The following RGS7 variants were observed in gnomAD, a reference collection of about 807,000 sequenced individuals.
RGS7 encodes the protein regulator of G protein signaling 7, also known as regulator of G-protein signaling 7.
Under a neutral mutation model 81.1 loss-of-function variants are expected in RGS7, and 27 were observed. That is an observed-to-expected ratio of 0.33 (90% CI 0.25 to 0.46). RGS7 has a LOEUF of 0.46. RGS7 is among the 20% of genes least tolerant of loss of function. The pLI is 1.00. For synonymous variants in RGS7, 208 were observed against 207.7 expected (o/e 1.00, Z -0.01); for missense variants, 396 against 607.4 (o/e 0.65, Z 3.66).
At chr1:240,976,725 CTCTATCTATCTATCTA>C (rs3044718) in intron 4 of RGS7, among the ~76,000 whole-genome samples, 16 of 148,162 alleles carry the variant, frequency 1.1e-4, no homozygotes, top group South Asian at 8.8e-4. Context: ...TCCTCAAAAT[CTCTATCTATCTATCTA>C]TCTATCTATC....
At chr1:240,900,548 CTGGA>C (rs1669826244) in intron 6 of RGS7, among the ~76,000 whole-genome samples, 1 of 152,170 alleles carries the variant, frequency 6.6e-6, no homozygotes. Flanking sequence ...TTGGAGTTTG[CTGGA>C]GGTCCACTCC....
chr1:240,877,824 C>T (rs1314539610), intron 6 of RGS7, among the ~76,000 whole-genome samples: 1 of 152,172 alleles, frequency 6.6e-6, no homozygotes, highest in Non-Finnish European at 1.5e-5. Context: ...CCTTTCAAGA[C>T]CTGTGATCTT....
rs182125811 is a variant in RGS7 at position 240,903,030 on chromosome 1, A to T, written c.385+27687T>A. Among the ~76,000 whole-genome samples the T allele has an allele frequency of 5.3e-5, 8 of 152,370 alleles. No homozygotes were observed. In the East Asian group the frequency reaches 1.3e-3, roughly 26 times the overall value. On this transcript the variant is annotated intron_variant, in intron 6 of 18. Coordinates refer to ENST00000440928, the MANE Select transcript of RGS7 (RefSeq NM_001364886.1). ...AGGGAATAAAAATTACTTTTATAAT[A>T]AAAATCCAAGAAAAACATATTGGTG...
intron 18 of RGS7, among the ~76,000 whole-genome samples, chr1:240,787,910 G>A (rs1685337960): frequency 6.6e-6 from 1 of 152,124 alleles, no homozygotes; most frequent in South Asian, 2.1e-4. Context: ...TCTGGTTGGG[G>A]GAAGTTGATG....
At chr1:241,162,835 G>A (rs2103208695) in intron 2 of RGS7, among the ~76,000 whole-genome samples, 1 of 152,264 alleles carries the variant, frequency 6.6e-6, no homozygotes, top group African/African-American at 2.4e-5. Flanking sequence ...AGTTCACACA[G>A]CTAATAAATA....
intron 4 of RGS7, among the ~76,000 whole-genome samples, chr1:240,953,184 A>G (rs1571962207): frequency 1.3e-5 from 2 of 152,058 alleles, no homozygotes; most frequent in East Asian, 3.9e-4. Flanking sequence ...AAAATCAAGC[A>G]GTCAGAATAT....
At chr1:240,794,634 G>A (rs1324431513) in intron 18 of RGS7, among the ~76,000 whole-genome samples, 5 of 152,124 alleles carry the variant, frequency 3.3e-5, no homozygotes, top group African/African-American at 7.2e-5. Flanking sequence ...ACTCAATCCC[G>A]AACAGAACCA....
At chr1:240,914,566 A>T (rs1290512785) in intron 6 of RGS7, among the ~76,000 whole-genome samples, 1 of 152,216 alleles carries the variant, frequency 6.6e-6, no homozygotes, top group African/African-American at 2.4e-5. Flanking sequence ...AGGTTGACTC[A>T]GAGCCTATTC....
intron 3 of RGS7, among the ~76,000 whole-genome samples, chr1:241,011,322 A>C (rs977359350): frequency 1.3e-5 from 2 of 152,112 alleles, no homozygotes; most frequent in African/African-American, 4.8e-5. Flanking sequence ...GCAGCAGGGG[A>C]GGAAACGGCC....
chr1:240,916,088 C>A (rs1420825501), intron 6 of RGS7, among the ~76,000 whole-genome samples: 2 of 147,644 alleles, frequency 1.4e-5, no homozygotes, highest in Non-Finnish European at 3.0e-5. Context: ...CATGGTGAAA[C>A]CCTGTGTCTA....
intron 2 of RGS7, among the ~76,000 whole-genome samples, chr1:241,213,541 G>A (rs1227506041): frequency 1.3e-5 from 2 of 152,002 alleles, no homozygotes; most frequent in Non-Finnish European, 2.9e-5. Context: ...TCTTTTAGTC[G>A]TTACCCTAGT....
chr1:240,977,495 C>T (rs1462650606), intron 4 of RGS7, among the ~76,000 whole-genome samples: 1 of 152,082 alleles, frequency 6.6e-6, no homozygotes, highest in Non-Finnish European at 1.5e-5. Flanking sequence ...AAAATATAAA[C>T]TTTTGACATG....
At chr1:240,801,370 G>T in intron 17 of RGS7, 85 bp downstream of exon 17, 2 of 824,102 alleles carry the variant, frequency 2.4e-6, no homozygotes, top group South Asian at 2.9e-5. Context: ...AAGAATGCAA[G>T]GTGGGTAACA....
At chr1:241,292,556 C>T (rs1408691984) in intron 2 of RGS7, among the ~76,000 whole-genome samples, 2 of 152,096 alleles carry the variant, frequency 1.3e-5, no homozygotes, top group Non-Finnish European at 2.9e-5. Flanking sequence ...ACCAGAGAGA[C>T]AAATAGTTGG....
At chr1:240,796,795 A>G (rs921497032) in intron 18 of RGS7, among the ~76,000 whole-genome samples, 2 of 152,218 alleles carry the variant, frequency 1.3e-5, no homozygotes, top group East Asian at 3.8e-4. Context: ...ACTTCTGGTC[A>G]TTCCTTGCAG....
chr1:240,890,797 T>C (rs931032835), intron 6 of RGS7, among the ~76,000 whole-genome samples: 2 of 152,124 alleles, frequency 1.3e-5, no homozygotes, highest in East Asian at 1.9e-4. Flanking sequence ...AATGGCTGCA[T>C]TGGAATTTGA....
At chr1:241,004,545 A>C (rs1481857195) in intron 3 of RGS7, among the ~76,000 whole-genome samples, 1 of 152,182 alleles carries the variant, frequency 6.6e-6, no homozygotes, top group East Asian at 1.9e-4. Flanking sequence ...AAAGCACACG[A>C]ACTTAATGTG....
intron 2 of RGS7, among the ~76,000 whole-genome samples, chr1:241,228,924 T>C (rs1315284015): frequency 6.6e-6 from 1 of 152,090 alleles, no homozygotes; most frequent in East Asian, 1.9e-4. Flanking sequence ...CTAACGTTAA[T>C]TACCTGGTTT....
chr1:240,885,070 T>C (rs1374535166), intron 6 of RGS7, among the ~76,000 whole-genome samples: 2 of 152,076 alleles, frequency 1.3e-5, no homozygotes, highest in African/African-American at 4.8e-5. Context: ...AACAAACAAC[T>C]GCATTAAAAG....
Sources: gnomAD v4.1 joint callset for allele counts (sites outside exome capture counted in the v4.1 genomes callset) on GRCh38, gnomAD v4.1.1 for gene constraint, MANE v1.5 for transcripts, NCBI Gene and HGNC (gene_info 2026-07-23, HGNC 2026-07-21) for gene names.